CCDC148: variants seen among roughly 807,000 people sequenced by gnomAD.
CCDC148 encodes the protein coiled-coil domain containing 148, also known as coiled-coil domain-containing protein 148.
In CCDC148, 89 loss-of-function variants were observed where a neutral mutation model predicts 85.7. The ratio of observed to expected loss-of-function variants is 1.04; its 90% CI spans 0.87 to 1.24. CCDC148 has a LOEUF of 1.24. Among genes scored for constraint, CCDC148 ranks in the 50% most tolerant of loss-of-function variants. The pLI is 0.00. For missense variants in CCDC148, 692 were observed against 671.7 expected, an observed-to-expected ratio of 1.03 and a Z score of -0.33; for synonymous variants, 230 against 213.9, an observed-to-expected ratio of 1.08 and a Z score of -0.66.
intron 7 of CCDC148, among the ~76,000 whole-genome samples, chr2:158,329,577 T>C (rs1186759865): frequency 6.6e-6 from 1 of 152,040 alleles, no homozygotes; most frequent in East Asian, 1.9e-4. Context: ...GGGGATGGCA[T>C]TGAATCTATA....
At position 158,207,148 on chromosome 2, in the gene CCDC148, T is replaced by C. The variant is rs554389444; in HGVS notation, c.1370+13447A>G. ...TGTATCCATAGTATCGCACAAGACATTGTTTCTTCCTAAGGAAGTCCATTA... is the reference window on the plus strand; with the variant it reads ...TGTATCCATAGTATCGCACAAGACACTGTTTCTTCCTAAGGAAGTCCATTA... On this transcript the variant is annotated intron_variant, in intron 11 of 13. Transcript: ENST00000283233. Among the ~76,000 whole-genome samples the C allele has an allele frequency of 2.6e-3, 389 of 152,310 alleles. 4 individuals carry two copies. The highest frequency in any genetic ancestry group is 4.4e-3 in the Non-Finnish European group (296 of 68,032).
In CCDC148 at chr2:158,437,392, G is replaced by A. The variant is rs368199158; in HGVS notation, c.25+19023C>T. On this transcript the variant is annotated intron_variant, in intron 1 of 13. Transcript: ENST00000283233. ...AGACAAAAACCACATGATTATCTCA[G>A]TAGATGCAGAAAAGGCCTTTGACAA... 9.9e-5 allele frequency among the ~76,000 whole-genome samples: 15 copies of A among 152,208 alleles called. No individual in the cohort carries two copies. In the East Asian group the frequency reaches 2.7e-3, roughly 27 times the overall value.
At chr2:158,407,078 G>A (rs1467594226) in intron 1 of CCDC148, among the ~76,000 whole-genome samples, 4 of 150,840 alleles carry the variant, frequency 2.7e-5, no homozygotes, top group South Asian at 4.2e-4. Context: ...TCTTTCTACC[G>A]CTGGATCTCA....
rs559665595 is a variant in CCDC148 at position 158,298,701 on chromosome 2, A to G, written c.1110+10732T>C. Among the ~76,000 whole-genome samples the G allele has an allele frequency of 2.5e-4, 38 of 152,266 alleles. 1 individual carries two copies. In the South Asian group the frequency reaches 4.1e-3, roughly 17 times the overall value. On this transcript the variant is annotated intron_variant, in intron 9 of 13. Coordinates refer to ENST00000283233, the MANE Select transcript of CCDC148 (RefSeq NM_138803.4). ...AGGTACTATATTTTACATTTCTAGA[A>G]TTTCTATTTGACCCATTTTTATATA...
chr2:158,323,331 A>G (rs1422086565), intron 7 of CCDC148, among the ~76,000 whole-genome samples: 1 of 152,232 alleles, frequency 6.6e-6, no homozygotes, highest in Non-Finnish European at 1.5e-5. Flanking sequence ...AATGTAAAAT[A>G]TCTCATTAAT....
At chr2:158,304,863 A>C (rs771530052) in intron 9 of CCDC148, among the ~76,000 whole-genome samples, 1 of 152,144 alleles carries the variant, frequency 6.6e-6, no homozygotes, top group Non-Finnish European at 1.5e-5. Flanking sequence ...TGAGGCCACT[A>C]TGGAAGTGGG....
At chr2:158,312,813 G>A (rs1692099450) in intron 8 of CCDC148, among the ~76,000 whole-genome samples, 1 of 152,024 alleles carries the variant, frequency 6.6e-6, no homozygotes, top group Non-Finnish European at 1.5e-5. Context: ...AAGGGGGAGA[G>A]GTGAAGAGGA....
At chr2:158,281,317 C>T (rs1380822836) in intron 9 of CCDC148, among the ~76,000 whole-genome samples, 1 of 151,992 alleles carries the variant, frequency 6.6e-6, no homozygotes, top group African/African-American at 2.4e-5. Context: ...AAAAACCCTT[C>T]AAAAAATTAA....
intron 1 of CCDC148, among the ~76,000 whole-genome samples, chr2:158,405,661 T>C (rs1218600846): frequency 6.6e-6 from 1 of 150,960 alleles, no homozygotes; most frequent in Admixed American, 6.6e-5. Context: ...TTAATTAGCA[T>C]TAAACATTAA....
rs554389712 is a variant in CCDC148, at chr2:158,327,387, C to A, written c.764+11339G>T. Among the ~76,000 whole-genome samples the A allele has an allele frequency of 3.9e-5, 6 of 152,308 alleles. No individual in the cohort carries two copies. In the East Asian group the frequency reaches 1.2e-3, roughly 29 times the overall value. ...TAGTTTATGACTACATATTATATGA[C>A]TTACACAATAATGCCTCTGCCATGA... On this transcript the variant is annotated intron_variant, in intron 7 of 13. Transcript: ENST00000283233.
chr2:158,259,127 C>A (rs1201562493), intron 9 of CCDC148, among the ~76,000 whole-genome samples: 2 of 151,784 alleles, frequency 1.3e-5, no homozygotes, highest in Non-Finnish European at 2.9e-5. Context: ...CCCTGCCCCA[C>A]ACTCCCCTTT....
intron 9 of CCDC148, among the ~76,000 whole-genome samples, chr2:158,299,078 G>C (rs1424312185): frequency 6.6e-6 from 1 of 152,136 alleles, no homozygotes; most frequent in Non-Finnish European, 1.5e-5. Context: ...GGGTAAGTCT[G>C]TTTCTATTTT....
chr2:158,323,551 C>T (rs2105223098), intron 7 of CCDC148, among the ~76,000 whole-genome samples: 2 of 152,278 alleles, frequency 1.3e-5, no homozygotes, highest in Middle Eastern at 3.4e-3. Context: ...GGTACTCAAC[C>T]TGATTTACCA....
At chr2:158,267,903 A>C (rs1689538580) in intron 9 of CCDC148, among the ~76,000 whole-genome samples, 1 of 152,088 alleles carries the variant, frequency 6.6e-6, no homozygotes, top group Non-Finnish European at 1.5e-5. Flanking sequence ...ATGCTCATCC[A>C]TGTTGTTCCA....
At chr2:158,355,121 C>G (rs1253839601) in intron 2 of CCDC148, among the ~76,000 whole-genome samples, 1 of 151,150 alleles carries the variant, frequency 6.6e-6, no homozygotes, top group Non-Finnish European at 1.5e-5. Flanking sequence ...CAGCCAATAT[C>G]ATACTGAATG....
In CCDC148 at chr2:158,177,617, GT is replaced by G. The variant is rs556301412; in HGVS notation, c.1489-957del. ...TTGAACAAGAATGTGTTCAGTAATA[GT>G]GACATTAAGTCTTGTACCCAGAAGG... On this transcript the variant is annotated intron_variant, in intron 12 of 13. Coordinates refer to ENST00000283233, the MANE Select transcript of CCDC148 (RefSeq NM_138803.4). Among the ~76,000 whole-genome samples the G allele has an allele frequency of 2.0e-4, 30 of 152,220 alleles. No individual in the cohort carries two copies. In the East Asian group the frequency reaches 5.6e-3, roughly 28 times the overall value.
chr2:158,280,873 G>T (rs1690252660), intron 9 of CCDC148, among the ~76,000 whole-genome samples: 1 of 152,106 alleles, frequency 6.6e-6, no homozygotes, highest in Non-Finnish European at 1.5e-5. Flanking sequence ...CCACATAGTT[G>T]GAAGTAAAGC....
intron 10 of CCDC148, among the ~76,000 whole-genome samples, chr2:158,223,101 A>G (rs1687280846): frequency 6.6e-6 from 1 of 152,100 alleles, no homozygotes; most frequent in Admixed American, 6.5e-5. Flanking sequence ...CACCTGGAAA[A>G]TCGGGTCACT....
chr2:158,271,908 A>G (rs1689715227), intron 9 of CCDC148, among the ~76,000 whole-genome samples: 1 of 152,132 alleles, frequency 6.6e-6, no homozygotes, highest in Non-Finnish European at 1.5e-5. Flanking sequence ...ACAAAAGTGA[A>G]TTGCTCTTCC....
Sources: allele counts gnomAD v4.1 joint callset (sites outside exome capture counted in the v4.1 genomes callset), GRCh38; gene constraint gnomAD v4.1.1; transcripts MANE v1.5; gene names NCBI Gene and HGNC (gene_info 2026-07-23, HGNC 2026-07-21).